The following IL7 variants were observed in gnomAD, a reference collection of about 807,000 sequenced individuals.
The protein encoded by IL7 is interleukin 7, also known as interleukin-7.
A neutral mutation model predicts 21.6 loss-of-function variants in IL7; 3 were observed. That is an observed-to-expected ratio of 0.14 (90% CI 0.06 to 0.36). The LOEUF is 0.36. Among genes scored for constraint, IL7 ranks in the 10% least tolerant of loss-of-function variants. IL7 has a pLI of 1.00. For synonymous variants in IL7, 62 were observed against 68.1 expected (o/e 0.91, Z 0.44); for missense variants, 175 against 200.2 (o/e 0.87, Z 0.76).
chr8:78,762,336 A>G, intron 2 of IL7: 2 of 1,610,934 alleles, frequency 1.2e-6, no homozygotes, highest in East Asian at 4.5e-5. Flanking sequence ...CACTTCTGGC[A>G]TCTGGCAGGG....
downstream of IL7, chr8:78,717,586 A>G: frequency 3.0e-6 from 4 of 1,351,630 alleles, no homozygotes; most frequent in Non-Finnish European, 4.0e-6. Context: ...AGTTTGTGCT[A>G]AAAATACTCG....
At chr8:78,700,251 C>G (rs573089468) in intron 3 of IL7, among the ~76,000 whole-genome samples, 2 of 151,944 alleles carry the variant, frequency 1.3e-5, no homozygotes, top group African/African-American at 4.8e-5. Context: ...GACAGTTGAC[C>G]GCATGTATGT....
chr8:78,715,331 A>G (rs2130615023), downstream of IL7: 1 of 1,609,182 alleles, frequency 6.2e-7, no homozygotes, highest in East Asian at 2.2e-5. Context: ...ATAGCCAGGT[A>G]TGTTTAGCTC....
chr8:78,804,205 G>A (rs1283234200), intron 1 of IL7, among the ~76,000 whole-genome samples: 1 of 151,970 alleles, frequency 6.6e-6, no homozygotes, highest in Admixed American at 6.6e-5. Context: ...CTCAATACTG[G>A]TCTGGAAGTT....
chr8:78,715,211 T>C (rs372576690), downstream of IL7: 8 of 1,610,290 alleles, frequency 5.0e-6, no homozygotes, highest in East Asian at 2.2e-5. Context: ...ATTTTTCCTC[T>C]TTTTTATAGA....
chr8:78,775,366 A>G (rs889564992), intron 2 of IL7, among the ~76,000 whole-genome samples: 3 of 152,110 alleles, frequency 2.0e-5, no homozygotes, highest in Non-Finnish European at 4.4e-5. Context: ...CTGGATGTGC[A>G]GAAAGGTTAT....
chr8:78,731,888 A>G (rs1271079048), downstream of IL7, among the ~76,000 whole-genome samples: 4 of 152,158 alleles, frequency 2.6e-5, no homozygotes, highest in Non-Finnish European at 2.9e-5. Context: ...TAGCGTTTTT[A>G]AACAAGCATT....
intron 2 of IL7, among the ~76,000 whole-genome samples, chr8:78,744,013 G>T (rs1811887774): frequency 6.6e-6 from 1 of 152,228 alleles, no homozygotes; most frequent in African/African-American, 2.4e-5. Flanking sequence ...GCACCTGCAG[G>T]AGGTGGCTGG....
chr8:78,715,050 T>A (rs1193088461), downstream of IL7, among the ~76,000 whole-genome samples: 2 of 152,236 alleles, frequency 1.3e-5, no homozygotes, highest in African/African-American at 4.8e-5. Context: ...ATTTGGTTTA[T>A]CTTTAATATT....
At chr8:78,689,412 G>T in intron 3 of IL7, 1 of 1,512,166 alleles carries the variant, frequency 6.6e-7, no homozygotes, top group Admixed American at 2.2e-5. Context: ...ACGAGAAAAT[G>T]GCTCATGGAC....
chr8:78,752,008 T>C (rs1469975955), intron 2 of IL7, among the ~76,000 whole-genome samples: 1 of 152,208 alleles, frequency 6.6e-6, no homozygotes, highest in Non-Finnish European at 1.5e-5. Context: ...CACATATAAA[T>C]GACAGCATGT....
intron 2 of IL7, among the ~76,000 whole-genome samples, chr8:78,751,167 G>T (rs62519007): frequency 1.3e-5 from 2 of 151,144 alleles, no homozygotes; most frequent in Non-Finnish European, 2.9e-5. Flanking sequence ...TAGCATACAT[G>T]TAATGGGAAT....
rs568108576 is a variant in IL7, at chr8:78,788,203, A to T, written c.147+9869T>A. ...ATTTTATTGATCTTTTCAAAGAACCAGTTTTGGTTTCATTGATTTTCCTCT... is the reference window on the plus strand; with the variant it reads ...ATTTTATTGATCTTTTCAAAGAACCTGTTTTGGTTTCATTGATTTTCCTCT... On this transcript the variant is annotated intron_variant, in intron 2 of 5. Coordinates refer to ENST00000263851, the MANE Select transcript of IL7 (RefSeq NM_000880.4). 7.6e-4 allele frequency among the ~76,000 whole-genome samples: 116 copies of T among 152,210 alleles called. No homozygotes were observed. In the Middle Eastern group the frequency reaches 0.014, roughly 18 times the overall value.
intron 2 of IL7, among the ~76,000 whole-genome samples, chr8:78,741,196 C>T (rs947463577): frequency 1.3e-4 from 20 of 152,074 alleles, no homozygotes; most frequent in African/African-American, 4.8e-4. Flanking sequence ...CTGGGTTTAC[C>T]CTGATTTTAA....
intron 2 of IL7, among the ~76,000 whole-genome samples, chr8:78,784,077 A>G (rs1813429870): frequency 6.6e-6 from 1 of 152,206 alleles, no homozygotes; most frequent in South Asian, 2.1e-4. Flanking sequence ...TGAACTGAAC[A>G]TTTGTGTCTC....
intron 2 of IL7, among the ~76,000 whole-genome samples, chr8:78,744,200 C>T (rs1365305327): frequency 6.6e-6 from 1 of 152,096 alleles, no homozygotes; most frequent in Non-Finnish European, 1.5e-5. Context: ...ACCCAAATAG[C>T]AGAGATGTCA....
chr8:78,773,893 T>C (rs1351529209), intron 2 of IL7, among the ~76,000 whole-genome samples: 2 of 152,128 alleles, frequency 1.3e-5, no homozygotes, highest in Non-Finnish European at 2.9e-5. Flanking sequence ...AGGCTGTCTG[T>C]AGGAATTCTG....
chr8:78,713,380 C>G (rs531855637), downstream of IL7, among the ~76,000 whole-genome samples: 11 of 151,608 alleles, frequency 7.3e-5, no homozygotes, highest in South Asian at 2.3e-3. Flanking sequence ...CTCAAGTTAC[C>G]GATATGGTGA....
intron 2 of IL7, among the ~76,000 whole-genome samples, chr8:78,751,632 T>C (rs1444943117): frequency 6.6e-6 from 1 of 152,220 alleles, no homozygotes. Flanking sequence ...CTTTTATTTT[T>C]AGTTGACACA....
Sources: allele counts gnomAD v4.1 joint callset (sites outside exome capture counted in the v4.1 genomes callset), GRCh38; gene constraint gnomAD v4.1.1; transcripts MANE v1.5; gene names NCBI Gene and HGNC (gene_info 2026-07-23, HGNC 2026-07-21).